ANTXRL: variants seen among roughly 807,000 people sequenced by gnomAD.
ANTXRL encodes the protein ANTXR like, also known as anthrax toxin receptor-like.
A neutral mutation model predicts 75.4 loss-of-function variants in ANTXRL; 63 were observed. The observed-to-expected ratio is 0.84, with a 90% CI of 0.68 to 1.03. The LOEUF (loss-of-function observed/expected upper bound fraction) is 1.03. Ranked by LOEUF, ANTXRL falls within the 50% of genes least tolerant of loss-of-function variation. ANTXRL has a pLI of 0.00. For missense variants in ANTXRL, 797 were observed against 789.4 expected, an observed-to-expected ratio of 1.01 and a Z score of -0.12; for synonymous variants, 335 against 291.3, an observed-to-expected ratio of 1.15 and a Z score of -1.53.
At chr10:46,317,558 A>C (rs1164252027) in intron 16 of ANTXRL, among the ~76,000 whole-genome samples, 1 of 152,186 alleles carries the variant, frequency 6.6e-6, no homozygotes, top group Non-Finnish European at 1.5e-5. Flanking sequence ...TGGCAAAGCC[A>C]GGCTGGCTGT....
chr10:46,290,338 G>T (rs1313528803), intron 1 of ANTXRL, among the ~76,000 whole-genome samples: 1 of 152,236 alleles, frequency 6.6e-6, no homozygotes, highest in South Asian at 2.1e-4. Flanking sequence ...CACCTCGCCC[G>T]GCCTGTTTAT....
intron 16 of ANTXRL, among the ~76,000 whole-genome samples, chr10:46,324,862 T>C (rs1456896076): frequency 6.6e-6 from 1 of 152,136 alleles, no homozygotes; most frequent in Non-Finnish European, 1.5e-5. Flanking sequence ...CTTTCAACTC[T>C]GAAAGTCCTA....
chr10:46,302,852 G>A (rs1554960910), intron 10 of ANTXRL, 32 bp downstream of exon 10: 55 of 1,449,278 alleles, frequency 3.8e-5, no homozygotes, highest in Non-Finnish European at 5.0e-5. Context: ...TCTGAGTCAC[G>A]TATTTCCCAC....
At chr10:46,291,991 C>T (rs4074141) in intron 1 of ANTXRL, 67 bp from the exon 2 acceptor site, 219,767 of 1,415,584 alleles carry the variant, frequency 0.16, 13,003 homozygotes, top group South Asian at 0.18. Context: ...AGGCTGGGGG[C>T]GGGGCAGACA....
intron 10 of ANTXRL, among the ~76,000 whole-genome samples, chr10:46,303,281 T>C (rs1234596990): frequency 1.3e-5 from 2 of 152,214 alleles, no homozygotes; most frequent in Non-Finnish European, 2.9e-5. Context: ...TGCCAGCCTG[T>C]AGGCCTGGGC....
chr10:46,289,817 T>G lies in ANTXRL; in HGVS notation c.249-2241T>G, dbSNP rs529310002. On this transcript the variant is annotated intron_variant, in intron 1 of 16. Transcript: ENST00000620264. ...TCCCTTCCCCAAGCCCTAGTGACCT[T>G]TAGTGTATTTTCTCTATCTATGAGT... Among the ~76,000 whole-genome samples, 78 of 152,182 alleles carry G rather than the reference T, an allele frequency of 5.1e-4. 3 individuals are homozygous for G. In the South Asian group the frequency reaches 0.015, roughly 29 times the overall value.
At chr10:46,324,315 T>C (rs782352932) in intron 16 of ANTXRL, among the ~76,000 whole-genome samples, 1 of 152,190 alleles carries the variant, frequency 6.6e-6, no homozygotes, top group Non-Finnish European at 1.5e-5. Flanking sequence ...ACTCTCTTTA[T>C]GAACCGGAAT....
At chr10:46,326,310 C>G (rs553779579) in intron 16 of ANTXRL, among the ~76,000 whole-genome samples, 7 of 152,080 alleles carry the variant, frequency 4.6e-5, no homozygotes, top group African/African-American at 1.7e-4. Flanking sequence ...GGACAGCAGT[C>G]AGCAGGCCCC....
chr10:46,323,234 A>G (rs1159884775), intron 16 of ANTXRL, among the ~76,000 whole-genome samples: 1 of 152,136 alleles, frequency 6.6e-6, no homozygotes, highest in Non-Finnish European at 1.5e-5. Context: ...TTGGGTGGTA[A>G]TGGCATATCC....
chr10:46,316,380 CT>C (rs1554964668), intron 16 of ANTXRL, among the ~76,000 whole-genome samples: 2 of 152,112 alleles, frequency 1.3e-5, no homozygotes, highest in African/African-American at 4.8e-5. Flanking sequence ...GGGGAGGAAG[CT>C]AGAGGCCCTA....
chr10:46,286,912 T>C, upstream of ANTXRL: 1 of 341,742 alleles, frequency 2.9e-6, no homozygotes, highest in East Asian at 7.0e-5. Context: ...CCAAAGGTCC[T>C]GTGCCTCCCC....
intron 7 of ANTXRL, 91 bp downstream of exon 7, chr10:46,297,565 A>G (rs1209742105): frequency 7.5e-7 from 1 of 1,333,616 alleles, no homozygotes; most frequent in Non-Finnish European, 1.0e-6. Context: ...ACGGTTGTCT[A>G]AGCTGCCCCA....
intron 11 of ANTXRL, 103 bp downstream of exon 11, chr10:46,306,975 C>T: frequency 1.0e-6 from 1 of 981,010 alleles, no homozygotes; most frequent in Non-Finnish European, 1.5e-6. Context: ...CCTGCTGGGA[C>T]AGCACATATC....
rs1286609712 is a variant in ANTXRL, at chr10:46,287,604, C to A, written c.248+94C>A. The stretch of plus-strand genomic sequence containing the variant: ...AGGACACCACTCAAGGAGATGCAAG[C>A]TTCCGTCACAGAAGCAGGGCCAAAC... On this transcript the variant is annotated intron_variant, in intron 1 of 16. Transcript: ENST00000620264. 1.6e-5 allele frequency: 23 copies of A among 1,438,078 alleles called. No individual in the cohort carries two copies. In the Admixed American group the frequency reaches 6.2e-4, roughly 39 times the overall value. 89.1% of individuals were successfully genotyped at this position (1,438,078 alleles called of 1,614,324 possible). A position where few individuals can be genotyped will look rare whatever the true frequency, so the allele number is the denominator to read the frequency against.
intron 16 of ANTXRL, 76 bp downstream of exon 16, chr10:46,313,392 G>A (rs1838545365): frequency 4.9e-6 from 7 of 1,415,470 alleles, no homozygotes; most frequent in Non-Finnish European, 6.7e-6. Flanking sequence ...CTCTGGGATT[G>A]GGGCTCAGAG....
At chr10:46,298,894 T>C (rs1837548645) in intron 9 of ANTXRL, among the ~76,000 whole-genome samples, 1 of 151,254 alleles carries the variant, frequency 6.6e-6, no homozygotes, top group South Asian at 2.1e-4. Context: ...GGAGTGGACA[T>C]GTGGCCCACA....
chr10:46,306,201 G>A (rs781822127), intron 10 of ANTXRL, among the ~76,000 whole-genome samples: 1 of 152,186 alleles, frequency 6.6e-6, no homozygotes, highest in Non-Finnish European at 1.5e-5. Context: ...CAGCTGGAAT[G>A]TCACCTCTTC....
At chr10:46,306,741 CA>C in intron 10 of ANTXRL, 61 bp from the exon 11 acceptor site, 3 of 1,389,464 alleles carry the variant, frequency 2.2e-6, no homozygotes, top group Non-Finnish European at 2.9e-6. Context: ...TGAGGACAGA[CA>C]TGGGGAGGAA....
intron 13 of ANTXRL, among the ~76,000 whole-genome samples, chr10:46,310,072 G>C (rs1168539593): frequency 2.6e-5 from 4 of 152,156 alleles, no homozygotes; most frequent in African/African-American, 4.8e-5. Flanking sequence ...TCAGCCATGA[G>C]GCTGGGAGGT....
Sources: allele counts gnomAD v4.1 joint callset (sites outside exome capture counted in the v4.1 genomes callset), GRCh38; gene constraint gnomAD v4.1.1; transcripts MANE v1.5; gene names NCBI Gene and HGNC (gene_info 2026-07-23, HGNC 2026-07-21).